SIN3A: variants seen among roughly 807,000 people sequenced by gnomAD.
SIN3A encodes paired amphipathic helix protein Sin3a.
SIN3A carries 14 observed loss-of-function variants against 146.1 expected under a neutral mutation model. The ratio of observed to expected loss-of-function variants is 0.10; its 90% CI spans 0.06 to 0.15. The LOEUF is 0.15. Ranked by LOEUF, SIN3A falls within the 10% of genes least tolerant of loss-of-function variation. The pLI is 1.00. For synonymous variants in SIN3A, 572 were observed against 572.0 expected (o/e 1.00, Z 0.00); for missense variants, 1,028 against 1,576.0 (o/e 0.65, Z 5.89).
At chr15:75,435,463 C>T (rs2074090540) in intron 1 of SIN3A, among the ~76,000 whole-genome samples, 1 of 152,220 alleles carries the variant, frequency 6.6e-6, no homozygotes, top group Non-Finnish European at 1.5e-5. Flanking sequence ...TTTGGGAGGC[C>T]GAGGCGGGTG....
chr15:75,449,723 A>G (rs1243415754), intron 1 of SIN3A, among the ~76,000 whole-genome samples: 1 of 150,468 alleles, frequency 6.6e-6, no homozygotes, highest in Non-Finnish European at 1.5e-5. Context: ...ATAAAATAAA[A>G]AAGAAAAGAC....
Position 75,422,800 on chromosome 15 carries a change from G to A in SIN3A, c.213C>T (p.Ser71=), listed in dbSNP as rs768596479. The A allele has an allele frequency of 1.3e-5, 21 of 1,613,270 alleles. No homozygotes were observed. The highest frequency in any genetic ancestry group is 1.2e-4 in the African/African-American group (9 of 74,900). The change falls in exon 3 of 21, where the codon TCC becomes TCT. Residue 71 remains serine, a synonymous_variant. Transcript: ENST00000394947. ...CTGCTATAGCGGGCCCATGACTGCC[G>A]GAGCTCTGTGGCATGGCTGAAACCT... ...SYQVSAMPQS[S]GSHGPAIAAV...
chr15:75,428,730 C>G (rs1030966127), intron 2 of SIN3A, among the ~76,000 whole-genome samples: 6 of 152,088 alleles, frequency 3.9e-5, no homozygotes, highest in African/African-American at 1.2e-4. Flanking sequence ...CTCCTGGGCT[C>G]AGGCAATCCT....
Position 75,409,945 on chromosome 15 carries a change from T to C in SIN3A, c.1208A>G (p.Asp403Gly). 6.2e-7 allele frequency: 1 copy of C among 1,614,184 alleles called. No individual in the cohort carries two copies. The highest frequency in any genetic ancestry group is 8.5e-7 in the Non-Finnish European group (1 of 1,180,038). Reference protein sequence around the residue: ...TAEKVDSVRNDHGGTVKKPQL... With the variant: ...TAEKVDSVRNGHGGTVKKPQL... ...GGGCTTCTTGACAGTGCCTCCATGATCATTTCTCACAGAATCAACCTTCTC... is the reference window on the plus strand; with the variant it reads ...GGGCTTCTTGACAGTGCCTCCATGACCATTTCTCACAGAATCAACCTTCTC... The change falls in exon 8 of 21, where the codon GAT (aspartate) becomes GGT (glycine). Residue 403 changes from aspartate to glycine, a missense_variant. Physicochemically the swap from Asp to Gly is moderately conservative, Grantham distance 94 (BLOSUM62 -1). Coordinates refer to ENST00000394947, the MANE Select transcript of SIN3A (RefSeq NM_001145358.2).
chr15:75,422,228 CT>C, intron 3 of SIN3A: 1 of 259,600 alleles, frequency 3.9e-6, no homozygotes, highest in Non-Finnish European at 7.3e-6. Context: ...AAACTAAAAA[CT>C]AAAAAAAAAA....
At position 75,414,258 on chromosome 15, in the gene SIN3A, C is replaced by G; in HGVS notation, c.420G>C (p.Gln140His). ...CAAGGAAATCATTGTAGACCTGAGG[C>G]TGACTACCAAACTGCAGCTTCACCT... ...LDQVKLQFGS[Q>H]PQVYNDFLDI... is the part of the protein sequence containing the mutation. The change falls in exon 4 of 21, where the codon CAG (glutamine) becomes CAC (histidine). Residue 140 changes from glutamine (Q) to histidine (H), a missense_variant. Gln to His is a conservative substitution (Grantham distance 24, BLOSUM62 0). This residue lies in a region of SIN3A where 152 missense variants were observed against 231.5 expected (regional missense o/e 0.66). Transcript: ENST00000394947. The G allele has an allele frequency of 6.4e-7, 1 of 1,557,566 alleles. No individual in the cohort carries two copies. The highest frequency in any genetic ancestry group is 1.2e-5 in the South Asian group (1 of 80,038).
chr15:75,414,373 AAC>A, intron 3 of SIN3A, 62 bp from the exon 4 acceptor site: 1 of 867,128 alleles, frequency 1.2e-6, no homozygotes. Context: ...ACAAAAAAAA[AAC>A]AAAAACAAAT....
Position 75,371,743 on chromosome 15 carries a change from T to A in SIN3A, c.*236A>T, listed in dbSNP as rs543833406. The stretch of plus-strand genomic sequence containing the variant: ...GACTTCCTTCCCCTCCAGGGCAGGC[T>A]ATACCCAAAACCCTTTGGGAAAAGT... On this transcript the variant is annotated 3_prime_UTR_variant, in exon 21 of 21. Coordinates refer to ENST00000394947, the MANE Select transcript of SIN3A (RefSeq NM_001145358.2). The A allele has an allele frequency of 3.8e-6, 2 of 529,904 alleles. No homozygotes were observed. The highest frequency in any genetic ancestry group is 6.7e-6 in the Non-Finnish European group (2 of 298,688). The allele number at this position is 529,904 out of a possible 1,614,324, so 32.8% of individuals were successfully genotyped here. A position where few individuals can be genotyped will look rare whatever the true frequency, so the allele number is the denominator to read the frequency against.
intron 1 of SIN3A, among the ~76,000 whole-genome samples, chr15:75,438,520 CA>C (rs1294676580): frequency 1.3e-5 from 2 of 151,864 alleles, no homozygotes; most frequent in Admixed American, 6.6e-5. Flanking sequence ...ACCGTCTCTA[CA>C]AAAAAATTTT....
chr15:75,391,391 C>T (rs753470076), intron 15 of SIN3A, among the ~76,000 whole-genome samples: 3 of 151,974 alleles, frequency 2.0e-5, no homozygotes, highest in African/African-American at 7.3e-5. Context: ...TTATCTCTTT[C>T]GAGCTAGGAC....
chr15:75,378,280 TG>T (rs2072902207), intron 19 of SIN3A, among the ~76,000 whole-genome samples: 1 of 152,174 alleles, frequency 6.6e-6, no homozygotes, highest in Non-Finnish European at 1.5e-5. Flanking sequence ...AAACTATCAC[TG>T]GGGCCGGGTG....
At chr15:75,450,964 T>A (rs1002655564) in intron 1 of SIN3A, among the ~76,000 whole-genome samples, 18 of 151,770 alleles carry the variant, frequency 1.2e-4, no homozygotes, top group Non-Finnish European at 2.7e-4. Flanking sequence ...GCGGAGGAAC[T>A]CAGACTTCAC....
chr15:75,440,756 G>A (rs373052577), intron 1 of SIN3A, among the ~76,000 whole-genome samples: 18 of 152,146 alleles, frequency 1.2e-4, no homozygotes, highest in African/African-American at 4.3e-4. Context: ...GCCAAGGCAG[G>A]CGGATTACGA....
intron 9 of SIN3A, among the ~76,000 whole-genome samples, chr15:75,404,077 T>C (rs1316081623): frequency 2.0e-5 from 3 of 152,182 alleles, no homozygotes; most frequent in Admixed American, 2.0e-4. Context: ...AGTTCCAAAA[T>C]AAGTATTTAG....
At chr15:75,429,575 T>C (rs1052718012) in intron 2 of SIN3A, among the ~76,000 whole-genome samples, 1 of 152,178 alleles carries the variant, frequency 6.6e-6, no homozygotes, top group African/African-American at 2.4e-5. Context: ...ATAGCAAAAC[T>C]GTCTTAATAA....
intron 19 of SIN3A, 41 bp downstream of exon 19, chr15:75,380,588 T>C: frequency 7.2e-7 from 1 of 1,398,146 alleles, no homozygotes; most frequent in Non-Finnish European, 1.0e-6. Flanking sequence ...TCCTCAATCA[T>C]GCACAGTATG....
intron 1 of SIN3A, among the ~76,000 whole-genome samples, chr15:75,447,002 C>A (rs541110535): frequency 6.6e-6 from 1 of 152,062 alleles, no homozygotes; most frequent in East Asian, 1.9e-4. Flanking sequence ...CTCCTGACCT[C>A]GTGATCCGCC....
chr15:75,421,833 A>G (rs935577401), intron 3 of SIN3A: 1 of 152,228 alleles, frequency 6.6e-6, no homozygotes, highest in Non-Finnish European at 1.5e-5. Flanking sequence ...GTGGTCAGAG[A>G]TACAAGGTTA....
rs988187530 is a variant in SIN3A, at chr15:75,376,120, A to G, written c.3384-248T>C. On this transcript the variant is annotated intron_variant, in intron 19 of 20. Transcript: ENST00000394947. The stretch of plus-strand genomic sequence containing the variant: ...ATGTAGCCAGTTAAGAGTTTTAATG[A>G]GAAACTTCTAGGCCTCTGTCTGTAA... 2.0e-5 allele frequency: 11 copies of G among 552,000 alleles called. No homozygotes were observed. In the East Asian group the frequency reaches 3.3e-4, roughly 17 times the overall value. The allele number at this position is 552,000 out of a possible 1,614,324, so 34.2% of individuals were successfully genotyped here.
Sources: allele counts gnomAD v4.1 joint callset (sites outside exome capture counted in the v4.1 genomes callset), GRCh38; gene constraint gnomAD v4.1.1; regional missense constraint gnomAD v4.1.1; transcripts MANE v1.5; gene names NCBI Gene and HGNC (gene_info 2026-07-23, HGNC 2026-07-21).